Variants in BOLL observed in about 807,000 individuals in gnomAD.
BOLL encodes boule RNA binding protein.
A neutral mutation model predicts 44.4 loss-of-function variants in BOLL; 23 were observed. The ratio of observed to expected loss-of-function variants is 0.52; its 90% CI spans 0.37 to 0.73. The LOEUF (loss-of-function observed/expected upper bound fraction) is 0.73. BOLL is among the 30% of genes least tolerant of loss of function. The pLI is 0.00. For missense variants in BOLL, 287 were observed against 338.3 expected, an observed-to-expected ratio of 0.85 and a Z score of 1.19; for synonymous variants, 97 against 110.8, an observed-to-expected ratio of 0.88 and a Z score of 0.78.
intron 10 of BOLL, among the ~76,000 whole-genome samples, chr2:197,738,263 T>C (rs1234627514): frequency 6.6e-6 from 1 of 152,106 alleles, no homozygotes; most frequent in Non-Finnish European, 1.5e-5. Flanking sequence ...TTTTTTAAAA[T>C]TAGAGATGGG....
At chr2:197,776,684 T>G (rs1158363163) in intron 4 of BOLL, among the ~76,000 whole-genome samples, 1 of 151,976 alleles carries the variant, frequency 6.6e-6, no homozygotes, top group Non-Finnish European at 1.5e-5. Context: ...GCTATAGGCT[T>G]TTTTTCTGTG....
chr2:197,741,024 A>AT (rs895541781), intron 10 of BOLL, among the ~76,000 whole-genome samples: 35 of 152,222 alleles, frequency 2.3e-4, no homozygotes, highest in Admixed American at 1.3e-3. Context: ...GAAGAAAGCC[A>AT]TTGGTAGCTT....
intron 2 of BOLL, 78 bp downstream of exon 2, chr2:197,781,644 G>T: frequency 1.6e-6 from 2 of 1,257,880 alleles, no homozygotes; most frequent in Middle Eastern, 2.0e-4. Context: ...TTATTTTATA[G>T]TTGCACAAAG....
intron 6 of BOLL, among the ~76,000 whole-genome samples, chr2:197,768,071 T>G (rs1689078343): frequency 6.6e-6 from 1 of 151,896 alleles, no homozygotes; most frequent in Non-Finnish European, 1.5e-5. Flanking sequence ...TATTGAAAAA[T>G]CAAGAGCATT....
upstream of BOLL, among the ~76,000 whole-genome samples, chr2:197,785,589 G>A (rs142465474): frequency 6.5e-4 from 99 of 152,316 alleles, no homozygotes; most frequent in African/African-American, 2.3e-3. This position sits in a 1 kb window ranked among gnomAD's most constrained non-coding sequence, Gnocchi z 6.7. Flanking sequence ...GCAACTCCTC[G>A]CCTTGGGCGG....
At position 197,761,891 on chromosome 2, in the gene BOLL, C is replaced by T. The variant is rs149026710; in HGVS notation, c.553-4491G>A. On this transcript the variant is annotated intron_variant, in intron 7 of 10. Coordinates refer to ENST00000392296, the MANE Select transcript of BOLL (RefSeq NM_033030.6). ...TATATAATAATATAGGGATCAATTCCGCAAGAGAATATAACAATGTAATAC... is the reference window on the plus strand; with the variant it reads ...TATATAATAATATAGGGATCAATTCTGCAAGAGAATATAACAATGTAATAC... Among the ~76,000 whole-genome samples, 821 of 127,486 alleles carry T rather than the reference C, an allele frequency of 6.4e-3. 5 individuals are homozygous for T. Among genetic ancestry groups the T allele is most frequent in the African/African-American group, 0.026 (789 of 29,920 alleles). 83.6% of individuals were successfully genotyped at this position (127,486 alleles called of 152,430 possible).
At chr2:197,779,441 CAG>C (rs1689667097) in intron 2 of BOLL, among the ~76,000 whole-genome samples, 1 of 151,912 alleles carries the variant, frequency 6.6e-6, no homozygotes, top group South Asian at 2.1e-4. Context: ...TCTTGTGGCT[CAG>C]AGACAGTCAT....
intron 9 of BOLL, among the ~76,000 whole-genome samples, chr2:197,744,695 C>A (rs1228576317): frequency 6.6e-6 from 1 of 152,176 alleles, no homozygotes; most frequent in Non-Finnish European, 1.5e-5. Flanking sequence ...TTGCCTCTTA[C>A]AAGGTGCTGC....
chr2:197,763,966 AC>A (rs1438656784), intron 7 of BOLL, among the ~76,000 whole-genome samples: 2 of 152,252 alleles, frequency 1.3e-5, no homozygotes, highest in Non-Finnish European at 2.9e-5. Context: ...TTATCAGGAA[AC>A]TGTAAATCAA....
chr2:197,781,997 T>C (rs1689813443), intron 1 of BOLL, 132 bp from the exon 2 acceptor site: 6 of 644,344 alleles, frequency 9.3e-6, no homozygotes, highest in Non-Finnish European at 1.4e-5. Flanking sequence ...GCTTTACTTT[T>C]AATATTATAA....
chr2:197,743,691 G>A (rs1257552540), intron 9 of BOLL, among the ~76,000 whole-genome samples: 1 of 152,100 alleles, frequency 6.6e-6, no homozygotes. Flanking sequence ...CCATTGTCAT[G>A]TTAGAAAAAT....
At chr2:197,729,291 T>C (rs1195239374) in intron 10 of BOLL, among the ~76,000 whole-genome samples, 4 of 152,156 alleles carry the variant, frequency 2.6e-5, no homozygotes, top group Non-Finnish European at 5.9e-5. Flanking sequence ...AGATTATATC[T>C]CGCACCTGGC....
At chr2:197,768,973 C>T (rs1290586081) in intron 6 of BOLL, among the ~76,000 whole-genome samples, 3 of 150,940 alleles carry the variant, frequency 2.0e-5, no homozygotes, top group South Asian at 2.1e-4. Flanking sequence ...TTTATTGATT[C>T]GTGATGTTGA....
chr2:197,734,587 A>T (rs1687386338), intron 10 of BOLL, among the ~76,000 whole-genome samples: 1 of 152,230 alleles, frequency 6.6e-6, no homozygotes, highest in Non-Finnish European at 1.5e-5. Flanking sequence ...AGAGTGGATT[A>T]AGAAAATGTG....
At chr2:197,732,228 T>C (rs999632865) in intron 10 of BOLL, among the ~76,000 whole-genome samples, 1 of 151,552 alleles carries the variant, frequency 6.6e-6, no homozygotes, top group Admixed American at 6.6e-5. Context: ...GATAAATTTC[T>C]CGACACATAC....
chr2:197,750,611 T>C (rs1397932765), intron 9 of BOLL, among the ~76,000 whole-genome samples: 4 of 152,162 alleles, frequency 2.6e-5, no homozygotes, highest in East Asian at 3.9e-4. Flanking sequence ...CCTAAATATA[T>C]ATGCACCCAA....
chr2:197,780,657 C>T (rs1288220243), intron 2 of BOLL, among the ~76,000 whole-genome samples: 1 of 151,760 alleles, frequency 6.6e-6, no homozygotes, highest in South Asian at 2.1e-4. Context: ...ATTGTTTTGG[C>T]AAATACACTA....
At chr2:197,762,279 G>A (rs1250797557) in intron 7 of BOLL, among the ~76,000 whole-genome samples, 1 of 152,182 alleles carries the variant, frequency 6.6e-6, no homozygotes, top group Non-Finnish European at 1.5e-5. Flanking sequence ...GGGAGGCGGA[G>A]GTTGCAGTGA....
intron 9 of BOLL, among the ~76,000 whole-genome samples, chr2:197,755,394 G>A (rs1418547511): frequency 6.6e-6 from 1 of 152,172 alleles, no homozygotes; most frequent in East Asian, 1.9e-4. Flanking sequence ...CCATTACTGG[G>A]TATATACCCA....
Sources: allele counts gnomAD v4.1 joint callset (sites outside exome capture counted in the v4.1 genomes callset), GRCh38; gene constraint gnomAD v4.1.1; non-coding constraint Gnocchi (gnomAD v3.1); transcripts MANE v1.5; gene names NCBI Gene and HGNC (gene_info 2026-07-23, HGNC 2026-07-21).